DNAH14: variants seen among roughly 807,000 people sequenced by gnomAD.
DNAH14 encodes the protein dynein axonemal heavy chain 14.
A neutral mutation model predicts 520.9 loss-of-function variants in DNAH14; 478 were observed. The observed-to-expected ratio is 0.92, with a 90% CI of 0.85 to 0.99. The LOEUF (loss-of-function observed/expected upper bound fraction) is 0.99. DNAH14 is among the 50% of genes least tolerant of loss of function. The pLI, the probability that DNAH14 is intolerant of heterozygous loss-of-function variation, is 0.00. For synonymous variants in DNAH14, 1,581 were observed against 1,757.2 expected (o/e 0.90, Z 2.51); for missense variants, 4,831 against 5,234.5 (o/e 0.92, Z 2.38).
chr1:225,085,499 A>C (rs1251691611), intron 20 of DNAH14, 45 bp from the exon 21 acceptor site: 1 of 1,464,266 alleles, frequency 6.8e-7, no homozygotes, highest in Non-Finnish European at 9.1e-7. Context: ...CATATCAGGA[A>C]TTATTTGCTA....
chr1:225,010,240 A>G (rs2064596629), intron 10 of DNAH14, among the ~76,000 whole-genome samples: 2 of 152,202 alleles, frequency 1.3e-5, no homozygotes, highest in Non-Finnish European at 2.9e-5. Context: ...TTTGTCATAA[A>G]TAGCTCTTAT....
At chr1:225,101,324 T>C (rs1056197906) in intron 23 of DNAH14, among the ~76,000 whole-genome samples, 1 of 152,064 alleles carries the variant, frequency 6.6e-6, no homozygotes, top group Non-Finnish European at 1.5e-5. Flanking sequence ...GGTAAACGTA[T>C]CCGTAGCCTC....
chr1:225,289,536 A>T (rs1405243242), intron 54 of DNAH14, among the ~76,000 whole-genome samples: 2 of 152,126 alleles, frequency 1.3e-5, no homozygotes, highest in Admixed American at 1.3e-4. Context: ...AAAGGAAAAG[A>T]TCTATCTAGT....
intron 71 of DNAH14, among the ~76,000 whole-genome samples, chr1:225,349,436 A>G (rs2095333545): frequency 6.6e-6 from 1 of 152,200 alleles, no homozygotes; most frequent in Non-Finnish European, 1.5e-5. Flanking sequence ...ACAAATGGCA[A>G]TAGTAATTCC....
Position 225,364,888 on chromosome 1 carries a change from T to C in DNAH14, c.12084T>C (p.Gly4028=). The change falls in exon 76 of 86, where the codon GGT becomes GGC. Residue 4028 remains glycine (G), a synonymous_variant. Coordinates refer to ENST00000682510, the MANE Select transcript of DNAH14 (RefSeq NM_001367479.1). ...TTCCAATTCCTGTTCTTAAAAAGGG[T>C]TTAAAGGTAAGAACAAAGTATAACA... ...SSFPIPVLKK[G]LKIAVESPQG... 1 of 1,544,578 alleles carries C rather than the reference T, an allele frequency of 6.5e-7. No homozygotes were observed. Among genetic ancestry groups the C allele is most frequent in the Non-Finnish European group, 8.7e-7 (1 of 1,143,960 alleles).
intron 36 of DNAH14, among the ~76,000 whole-genome samples, chr1:225,169,741 A>G (rs1350183555): frequency 1.3e-5 from 2 of 152,210 alleles, no homozygotes; most frequent in South Asian, 2.1e-4. Context: ...AGGCAAGCCA[A>G]CATTCAAATT....
At chr1:225,156,746 G>C in intron 34 of DNAH14, among the ~76,000 whole-genome samples, 1 of 82,592 alleles carries the variant, frequency 1.2e-5, no homozygotes, top group African/African-American at 5.8e-5. Flanking sequence ...ACGGAGTCTC[G>C]CTCTGTCGCC....
At chr1:225,085,841 T>C (rs2073703100) in intron 21 of DNAH14, 52 bp downstream of exon 21, 1 of 1,463,564 alleles carries the variant, frequency 6.8e-7, no homozygotes, top group Non-Finnish European at 9.0e-7. Context: ...GTTTTATTTA[T>C]TATTTCAATC....
chr1:224,954,315 A>G (rs1476431532), intron 2 of DNAH14, among the ~76,000 whole-genome samples: 1 of 152,084 alleles, frequency 6.6e-6, no homozygotes, highest in Non-Finnish European at 1.5e-5. Context: ...TGATATAAGT[A>G]TTTTTCTTTA....
In DNAH14 at chr1:225,240,702, G is replaced by A. The variant is rs1156580570; in HGVS notation, c.6628G>A (p.Glu2210Lys). 1.3e-6 allele frequency: 2 copies of A among 1,550,940 alleles called. No individual in the cohort carries two copies. The highest frequency in any genetic ancestry group is 1.7e-6 in the Non-Finnish European group (2 of 1,146,600). The stretch of plus-strand genomic sequence containing the variant: ...GGCATTTGGAGGAGCTTTAAACCGT[G>A]AAGATGAACACAGAGAAAATATACC... ...TWAFGGALNREDEHRENIPFC... is the reference protein window; with the variant it reads ...TWAFGGALNRKDEHRENIPFC... The change falls in exon 43 of 86, where the codon GAA (glutamate) becomes AAA (lysine). Residue 2210 changes from glutamate to lysine, a missense_variant. Coordinates refer to ENST00000682510, the MANE Select transcript of DNAH14 (RefSeq NM_001367479.1).
intron 35 of DNAH14, among the ~76,000 whole-genome samples, chr1:225,160,563 T>C (rs911666149): frequency 3.9e-5 from 6 of 152,166 alleles, no homozygotes; most frequent in East Asian, 3.8e-4. Context: ...GGTTCTAATC[T>C]GTGAAATTAA....
At chr1:225,206,287 C>A in intron 40 of DNAH14, 108 bp downstream of exon 40, 1 of 1,014,856 alleles carries the variant, frequency 9.9e-7, no homozygotes, top group Non-Finnish European at 1.4e-6. Context: ...CCTTTGTATC[C>A]AGCAGCATGA....
At chr1:224,988,922 A>C (rs531134596) in intron 8 of DNAH14, among the ~76,000 whole-genome samples, 27 of 152,294 alleles carry the variant, frequency 1.8e-4, no homozygotes, top group Admixed American at 8.5e-4. Context: ...GGTGTGATCC[A>C]CTGTGCCCAG....
chr1:225,104,493 C>T (rs539055222), intron 23 of DNAH14, among the ~76,000 whole-genome samples: 45 of 152,210 alleles, frequency 3.0e-4, no homozygotes, highest in Admixed American at 1.7e-3. Context: ...TGGTAGAATT[C>T]GGCTGTGAAT....
chr1:225,056,181 A>C (rs1049663547), intron 17 of DNAH14, among the ~76,000 whole-genome samples: 1 of 151,970 alleles, frequency 6.6e-6, no homozygotes, highest in Non-Finnish European at 1.5e-5. Flanking sequence ...ATTTCTCCAC[A>C]TCCTCTCCAG....
chr1:225,133,158 C>G (rs1185121341), intron 27 of DNAH14, among the ~76,000 whole-genome samples: 1 of 151,820 alleles, frequency 6.6e-6, no homozygotes, highest in Non-Finnish European at 1.5e-5. Context: ...AAATTTTCTC[C>G]CATTCTGTAG....
chr1:225,128,873 A>G (rs1435746254), intron 27 of DNAH14, among the ~76,000 whole-genome samples: 2 of 150,326 alleles, frequency 1.3e-5, no homozygotes, highest in Admixed American at 6.6e-5. Context: ...GAAGAAGTCA[A>G]ATTGTCCCTG....
intron 73 of DNAH14, chr1:225,354,332 A>G (rs2150496944): frequency 2.9e-6 from 2 of 686,762 alleles, no homozygotes; most frequent in East Asian, 5.4e-5. Flanking sequence ...TCATACCTAA[A>G]CCACATCCAC....
chr1:225,204,352 TA>T, intron 39 of DNAH14, 79 bp downstream of exon 39: 3 of 839,066 alleles, frequency 3.6e-6, no homozygotes, highest in Non-Finnish European at 3.6e-6. Flanking sequence ...TTTATATGTT[TA>T]AACATGTTTT....
Sources: gnomAD v4.1 joint callset for allele counts (sites outside exome capture counted in the v4.1 genomes callset) on GRCh38, gnomAD v4.1.1 for gene constraint, MANE v1.5 for transcripts, NCBI Gene and HGNC (gene_info 2026-07-23, HGNC 2026-07-21) for gene names.